CROCC2: variants seen among roughly 807,000 people sequenced by gnomAD.
The protein encoded by CROCC2 is ciliary rootlet coiled-coil protein 2.
Under a neutral mutation model 177.6 loss-of-function variants are expected in CROCC2, and 163 were observed. That is an observed-to-expected ratio of 0.92 (90% confidence interval 0.81 to 1.05). CROCC2 has a LOEUF of 1.05. Ranked by LOEUF, CROCC2 falls within the 50% of genes least tolerant of loss-of-function variation. The pLI, the probability that CROCC2 is intolerant of heterozygous loss-of-function variation, is 0.00. For missense variants in CROCC2, 1,929 were observed against 1,797.8 expected, an observed-to-expected ratio of 1.07 and a Z score of -1.32; for synonymous variants, 904 against 787.3, an observed-to-expected ratio of 1.15 and a Z score of -2.48.
chr2:240,958,944 G>A lies in CROCC2; in HGVS notation c.2944-357G>A, dbSNP rs1265706620. ...CGGGTGGTGTGTGCGACAGGGAGCCGACTCCAGCTGAGCTCAGTCCCAAAT... is the reference window on the plus strand; with the variant it reads ...CGGGTGGTGTGTGCGACAGGGAGCCAACTCCAGCTGAGCTCAGTCCCAAAT... On this transcript the variant is annotated intron_variant, in intron 19 of 31. Transcript: ENST00000690015. This position sits in a 1 kb window ranked among gnomAD's most constrained non-coding sequence, Gnocchi z 6.7. 3.2e-5 allele frequency: 6 copies of A among 187,374 alleles called. No homozygotes were observed. The highest frequency in any genetic ancestry group is 1.4e-4 in the East Asian group (1 of 7,256). The allele number at this position is 187,374 out of a possible 1,614,324, so 11.6% of individuals were successfully genotyped here.
chr2:240,917,472 A>G lies in CROCC2; in HGVS notation c.79-1254A>G, dbSNP rs2059327769. On this transcript the variant is annotated intron_variant, in intron 1 of 31. Transcript: ENST00000690015. The surrounding 1 kb of genome is among the most constrained non-coding windows in gnomAD (Gnocchi z 4.9). ...CCTGAGGTCAGAGTCCGGGGACGCA[A>G]GCAGGGTCTCAGGGAGGGCCAAGAG... 2.0e-5 allele frequency among the ~76,000 whole-genome samples: 3 copies of G among 152,230 alleles called. No individual in the cohort carries two copies. The highest frequency in any genetic ancestry group is 7.2e-5 in the African/African-American group (3 of 41,542).
intron 28 of CROCC2, chr2:240,983,762 G>A (rs988242746): frequency 2.0e-5 from 10 of 509,872 alleles, no homozygotes; most frequent in African/African-American, 1.5e-4. Flanking sequence ...TGTCGTGTGC[G>A]CCCTGCCTTG....
At chr2:240,988,216 A>C (rs1337923161) in intron 28 of CROCC2, among the ~76,000 whole-genome samples, 1 of 152,200 alleles carries the variant, frequency 6.6e-6, no homozygotes, top group Non-Finnish European at 1.5e-5. Flanking sequence ...GGCAGCCTAC[A>C]GCCTACAAGG....
At chr2:240,989,139 G>A (rs577134833) in intron 29 of CROCC2, among the ~76,000 whole-genome samples, 5 of 152,328 alleles carry the variant, frequency 3.3e-5, no homozygotes, top group Admixed American at 3.3e-4. Flanking sequence ...CTGTAGAGCA[G>A]CACAAGGGCC....
chr2:240,910,641 C>T (rs1176966866), intron 1 of CROCC2, among the ~76,000 whole-genome samples: 3 of 152,154 alleles, frequency 2.0e-5, no homozygotes, highest in African/African-American at 7.2e-5. Flanking sequence ...GAAGTGGCAT[C>T]CCCTTTCTCG....
chr2:240,963,716 T>A lies in CROCC2; in HGVS notation c.3248T>A (p.Leu1083Ter), dbSNP rs1410184504. 1 of 1,550,166 alleles carries A rather than the reference T, an allele frequency of 6.5e-7. No individual in the cohort carries two copies. The highest frequency in any genetic ancestry group is 1.4e-5 in the African/African-American group (1 of 73,036). The change falls in exon 21 of 32, where the codon TTG (leucine) becomes TAG (stop). Residue 1083 changes from leucine (L) to a stop codon, truncating the protein, a stop_gained. Transcript: ENST00000690015. LOFTEE classifies it high-confidence loss of function. Reference sequence around the variant, plus strand: ...GAGGCCCGCGAGAAGGACGTACTGTTGCTTTTCAACAGCGAGCTGCGGGCC... The same window carrying A: ...GAGGCCCGCGAGAAGGACGTACTGTAGCTTTTCAACAGCGAGCTGCGGGCC... ...SDEAREKDVL[L>*]LFNSELRATI...
chr2:240,973,065 C>T lies in CROCC2; in HGVS notation c.4401+4803C>T, dbSNP rs145819676. ...GCCTCTCCTGGCTCTGCCAAGCTCC[C>T]GGCACAGTCTAGAGCCAGCTCTGCC... On this transcript the variant is annotated intron_variant, in intron 27 of 31. Coordinates refer to ENST00000690015, the MANE Select transcript of CROCC2 (RefSeq NM_001351305.2). This position sits in a 1 kb window ranked among gnomAD's most constrained non-coding sequence, Gnocchi z 4.7. Among the ~76,000 whole-genome samples, 470 of 152,328 alleles carry T rather than the reference C, an allele frequency of 3.1e-3. 2 individuals are homozygous for T. The highest frequency in any genetic ancestry group is 0.011 in the African/African-American group (445 of 41,574).
At chr2:240,928,465 G>C (rs1475129131) in intron 5 of CROCC2, among the ~76,000 whole-genome samples, 1 of 138,758 alleles carries the variant, frequency 7.2e-6, no homozygotes, top group Admixed American at 7.4e-5. Context: ...GCAAGAAATT[G>C]CGTACACTCC....
intron 14 of CROCC2, among the ~76,000 whole-genome samples, chr2:240,936,930 T>C (rs2059474886): frequency 6.6e-6 from 1 of 152,230 alleles, no homozygotes; most frequent in Non-Finnish European, 1.5e-5. Context: ...TATGGGACTG[T>C]GATGCACAAG....
At chr2:240,967,194 G>A (rs937109533) in intron 25 of CROCC2, 151 bp from the exon 26 acceptor site, 5 of 396,532 alleles carry the variant, frequency 1.3e-5, no homozygotes, top group Non-Finnish European at 2.2e-5. Context: ...CACCTTCCCC[G>A]AGCCCACGGC....
In CROCC2 at chr2:240,960,408, A is replaced by G. The variant is rs1239879195; in HGVS notation, c.3087+964A>G. On this transcript the variant is annotated intron_variant, in intron 20 of 31. Coordinates refer to ENST00000690015, the MANE Select transcript of CROCC2 (RefSeq NM_001351305.2). The surrounding 1 kb of genome is among the most constrained non-coding windows in gnomAD (Gnocchi z 5.0). ...ATGATGGTGACGTGGGGTGGGGGAC[A>G]GTCTTGGGCAGGGGGCAAGAGTGGC... 6.6e-6 allele frequency among the ~76,000 whole-genome samples: 1 copy of G among 151,532 alleles called. No individual in the cohort carries two copies. The highest frequency in any genetic ancestry group is 1.5e-5 in the Non-Finnish European group (1 of 67,876).
In CROCC2 at chr2:240,940,679, C is replaced by T. The variant is rs1375806670; in HGVS notation, c.2169+5091C>T. ...TGATTAAAACCCTCAGGAAAGTCGG[C>T]ATTGAAGGGACATACCTTAAGGTAA... is the stretch of plus-strand genomic sequence containing the variant. On this transcript the variant is annotated intron_variant, in intron 14 of 31. Coordinates refer to ENST00000690015, the MANE Select transcript of CROCC2 (RefSeq NM_001351305.2). 2.0e-5 allele frequency among the ~76,000 whole-genome samples: 3 copies of T among 152,252 alleles called. No individual in the cohort carries two copies. The East Asian group carries it at 5.8e-4, about 29-fold the overall frequency.
At chr2:240,989,948 T>G in intron 30 of CROCC2, 115 bp downstream of exon 30, 25 of 1,006,588 alleles carry the variant, frequency 2.5e-5, no homozygotes, top group Non-Finnish European at 3.0e-5. Context: ...ACAGGGGCTC[T>G]CCACTGCCAC....
intron 21 of CROCC2, chr2:240,964,166 A>G (rs1455137177): frequency 1.9e-6 from 1 of 536,332 alleles, no homozygotes; most frequent in Non-Finnish European, 3.4e-6. Context: ...TGGCAGAGGT[A>G]CCAGGCTAGG....
chr2:240,983,815 C>A (rs577678950), intron 28 of CROCC2: 2 of 338,068 alleles, frequency 5.9e-6, no homozygotes, highest in African/African-American at 4.6e-5. Flanking sequence ...AAATCCCCGG[C>A]TTTGTCTCCA....
chr2:240,984,644 C>A (rs1285078976), intron 28 of CROCC2, among the ~76,000 whole-genome samples: 2 of 109,868 alleles, frequency 1.8e-5, no homozygotes, highest in African/African-American at 3.9e-5. Flanking sequence ...CAGGCACTCA[C>A]TCCACACACA....
intron 14 of CROCC2, among the ~76,000 whole-genome samples, chr2:240,936,179 G>A (rs1250794106): frequency 6.6e-6 from 1 of 152,044 alleles, no homozygotes; most frequent in East Asian, 1.9e-4. Flanking sequence ...TCCTTTTCTG[G>A]GGTCACCTTT....
rs368923154 is a variant in CROCC2, at chr2:240,978,182, G to A, written c.4402-4698G>A. ...CAGGCTCATCCCTGCTCAGTCTCTG[G>A]GGTAGGAGCCTCAGGAGCCCAGGCT... On this transcript the variant is annotated intron_variant, in intron 27 of 31. Coordinates refer to ENST00000690015, the MANE Select transcript of CROCC2 (RefSeq NM_001351305.2). Among the ~76,000 whole-genome samples the A allele has an allele frequency of 3.7e-4, 27 of 73,208 alleles. No homozygotes were observed. The East Asian group carries it at 9.2e-3, about 25-fold the overall frequency. 48.0% of individuals were successfully genotyped at this position (73,208 alleles called of 152,430 possible). A position where few individuals can be genotyped will look rare whatever the true frequency, so the allele number is the denominator to read the frequency against.
chr2:240,918,818 C>G lies in CROCC2; in HGVS notation c.171C>G (p.Pro57=), dbSNP rs116685065. ...AAGGCCGGCAGGCCTCGCCCACCCC[C>G]GTGCCCACCCGCATCCGTGAGATCG... ...RGEGRQASPT[P]VPTRIREIVA... is the part of the protein sequence containing the mutation. Residue 57 remains proline, a synonymous_variant, in exon 2 of 32, where the codon CCC becomes CCG. Coordinates refer to ENST00000690015, the MANE Select transcript of CROCC2 (RefSeq NM_001351305.2). This position sits in a 1 kb window ranked among gnomAD's most constrained non-coding sequence, Gnocchi z 6.3. The G allele has an allele frequency of 4.0e-3, 2,519 of 624,424 alleles. 36 individuals carry two copies. The highest frequency in any genetic ancestry group is 0.04 in the African/African-American group (2,110 of 52,526). The allele number at this position is 624,424 out of a possible 1,614,324, so 38.7% of individuals were successfully genotyped here. A position where few individuals can be genotyped will look rare whatever the true frequency, so the allele number is the denominator to read the frequency against.
Sources: gnomAD v4.1 joint callset for allele counts (sites outside exome capture counted in the v4.1 genomes callset) on GRCh38, gnomAD v4.1.1 for gene constraint, Gnocchi (gnomAD v3.1) non-coding constraint, MANE v1.5 for transcripts, NCBI Gene and HGNC (gene_info 2026-07-23, HGNC 2026-07-21) for gene names.